The following HTR3B variants were observed in gnomAD, a reference collection of about 807,000 sequenced individuals.
HTR3B encodes 5-hydroxytryptamine (serotonin) receptor 3B, ionotropic.
Under a neutral mutation model 42.8 loss-of-function variants are expected in HTR3B, and 44 were observed. The observed-to-expected ratio is 1.03, with a 90% CI of 0.81 to 1.32. The LOEUF (loss-of-function observed/expected upper bound fraction) is 1.32. Ranked by LOEUF, HTR3B falls within the 40% of genes most tolerant of loss-of-function variation. HTR3B has a pLI of 0.00. For missense variants in HTR3B, 527 were observed against 536.5 expected, an observed-to-expected ratio of 0.98 and a Z score of 0.17; for synonymous variants, 203 against 209.0, an observed-to-expected ratio of 0.97 and a Z score of 0.25.
chr11:113,907,040 T>G (rs10502180), intron 1 of HTR3B, among the ~76,000 whole-genome samples: 5,856 of 152,298 alleles, frequency 0.038, 460 homozygotes, highest in East Asian at 0.3. Context: ...CCCTGAACAC[T>G]TTAAGATAGG....
upstream of HTR3B, among the ~76,000 whole-genome samples, chr11:113,904,189 T>C (rs1430001751): frequency 6.6e-6 from 1 of 151,924 alleles, no homozygotes. Context: ...AATCAAAAAG[T>C]GAAAAAAAAA....
chr11:113,927,843 G>A (rs1019872713), intron 2 of HTR3B, among the ~76,000 whole-genome samples: 3 of 152,124 alleles, frequency 2.0e-5, no homozygotes, highest in Admixed American at 1.3e-4. Context: ...CAAGGTGTGA[G>A]CCACCGCACC....
the HTR3B span, among the ~76,000 whole-genome samples, chr11:113,899,766 CGA>C: frequency 3.3e-5 from 5 of 152,078 alleles, no homozygotes; most frequent in Admixed American, 3.3e-4. Context: ...AGACATCGGT[CGA>C]TCTAATAGGT....
At chr11:113,919,423 G>T (rs1382365738) in intron 2 of HTR3B, among the ~76,000 whole-genome samples, 1 of 152,144 alleles carries the variant, frequency 6.6e-6, no homozygotes. Context: ...TTTTAATAGG[G>T]ATGTTTTTCT....
chr11:113,942,425 C>T (rs577399553), intron 6 of HTR3B, among the ~76,000 whole-genome samples: 2 of 152,310 alleles, frequency 1.3e-5, no homozygotes, highest in East Asian at 3.9e-4. Flanking sequence ...CGCCATTGCA[C>T]TCTAGCCTGG....
intron 6 of HTR3B, among the ~76,000 whole-genome samples, chr11:113,934,926 A>G (rs1950076683): frequency 6.6e-6 from 1 of 152,136 alleles, no homozygotes; most frequent in South Asian, 2.1e-4. Context: ...TCACCTACCA[A>G]GTGCTCCTGA....
chr11:113,901,774 G>T (rs1949699101), upstream of HTR3B, among the ~76,000 whole-genome samples: 1 of 152,166 alleles, frequency 6.6e-6, no homozygotes, highest in Admixed American at 6.5e-5. Context: ...AAAGTGCAAA[G>T]AAAAGGGAGG....
At chr11:113,915,240 G>A (rs1048533356) in intron 2 of HTR3B, among the ~76,000 whole-genome samples, 3 of 152,072 alleles carry the variant, frequency 2.0e-5, no homozygotes, top group African/African-American at 4.8e-5. Flanking sequence ...GTCTCACTCT[G>A]TTACTTAGGC....
chr11:113,944,364 G>A (rs1226161192), intron 7 of HTR3B, among the ~76,000 whole-genome samples: 1 of 152,142 alleles, frequency 6.6e-6, no homozygotes, highest in East Asian at 1.9e-4. Flanking sequence ...AGCCTGGTGT[G>A]GTGGTGTGTG....
chr11:113,932,973 A>G lies in HTR3B; in HGVS notation c.576A>G (p.Glu192=). ...ACCTGGCCTTTCTGAGGAGCCCAGA[A>G]GACATTCAGCATGACAAAAAGGCGT... ...DVDLAFLRSP[E]DIQHDKKAFL... Residue 192 remains glutamate (E), a synonymous_variant, in exon 6 of 9, where the codon GAA becomes GAG. Coordinates refer to ENST00000260191, the MANE Select transcript of HTR3B (RefSeq NM_006028.5). The G allele has an allele frequency of 2.5e-6, 4 of 1,614,168 alleles. No homozygotes were observed. Among genetic ancestry groups the G allele is most frequent in the Non-Finnish European group, 3.4e-6 (4 of 1,180,004 alleles).
chr11:113,903,838 G>A (rs1344564041), upstream of HTR3B, among the ~76,000 whole-genome samples: 1 of 152,112 alleles, frequency 6.6e-6, no homozygotes, highest in African/African-American at 2.4e-5. Flanking sequence ...CTCTCTTTCT[G>A]TGTATACCAC....
chr11:113,945,788 G>T, intron 8 of HTR3B, 114 bp from the exon 9 acceptor site: 2 of 733,918 alleles, frequency 2.7e-6, no homozygotes, highest in Non-Finnish European at 4.7e-6. Flanking sequence ...ACAACCCACT[G>T]CTCAGTTTCA....
chr11:113,947,109 CT>C lies in HTR3B; in HGVS notation c.*985del, dbSNP rs538527578. Among the ~76,000 whole-genome samples the C allele has an allele frequency of 2.5e-3, 360 of 145,068 alleles. 1 individual carries two copies. The highest frequency in any genetic ancestry group is 0.015 in the South Asian group (69 of 4,592). On this transcript the variant is annotated 3_prime_UTR_variant, in exon 9 of 9. Transcript: ENST00000260191. ...GGAGAGAACCCAGGTGCCAAGGCTTCTTTTTTTTTTTTTGAGGCAGAGTCTT... is the reference window on the plus strand; with the variant it reads ...GGAGAGAACCCAGGTGCCAAGGCTTCTTTTTTTTTTTTGAGGCAGAGTCTT...
rs534191627 is a variant in HTR3B at position 113,932,661 on chromosome 11, A to G, written c.538+203A>G. Among the ~76,000 whole-genome samples, 107 of 152,064 alleles carry G rather than the reference A, an allele frequency of 7.0e-4. 1 individual carries two copies. The highest frequency in any genetic ancestry group is 1.0e-3 in the Non-Finnish European group (71 of 68,018). ...CCATAGTTGTTTTGGAAACAGTGTT[A>G]GGCCTCTACTGCCATGGATAATATT... On this transcript the variant is annotated intron_variant, in intron 5 of 8. Transcript: ENST00000260191.
At chr11:113,937,034 AC>A (rs1950097290) in intron 6 of HTR3B, among the ~76,000 whole-genome samples, 1 of 152,198 alleles carries the variant, frequency 6.6e-6, no homozygotes, top group Admixed American at 6.5e-5. Flanking sequence ...TATTGCTAAC[AC>A]CTGAAGGGTG....
At position 113,919,228 on chromosome 11, in the gene HTR3B, A is replaced by G. The variant is rs186997847; in HGVS notation, c.213+9773A>G. On this transcript the variant is annotated intron_variant, in intron 2 of 8. Transcript: ENST00000260191. ...AACTTATTACAGTGTACTTAGAATT[A>G]ATATTTTGACACTTCACATAAAATG... Among the ~76,000 whole-genome samples the G allele has an allele frequency of 1.7e-3, 254 of 152,272 alleles. 1 individual carries two copies. The highest frequency in any genetic ancestry group is 2.9e-3 in the Non-Finnish European group (199 of 68,010).
rs766597002 is a variant in HTR3B, at chr11:113,932,408, C to T, written c.488C>T (p.Pro163Leu). 1 of 1,614,086 alleles carries T rather than the reference C, an allele frequency of 6.2e-7. No homozygotes were observed. The change falls in exon 5 of 9, where the codon CCA (proline) becomes CTA (leucine). Residue 163 changes from proline (P) to leucine (L), a missense_variant. Physicochemically the swap from Pro to Leu is moderately conservative, Grantham distance 98. Coordinates refer to ENST00000260191, the MANE Select transcript of HTR3B (RefSeq NM_006028.5). ...SACSLETYAF[P>L]FDVQNCSLTF... ...TGCAGTTTAGAGACATATGCTTTTCCATTTGATGTCCAGAATTGCAGCCTG... is the reference window on the plus strand; with the variant it reads ...TGCAGTTTAGAGACATATGCTTTTCTATTTGATGTCCAGAATTGCAGCCTG...
intron 2 of HTR3B, among the ~76,000 whole-genome samples, chr11:113,928,660 C>T (rs144887710): frequency 6.6e-6 from 1 of 152,130 alleles, no homozygotes; most frequent in Non-Finnish European, 1.5e-5. Flanking sequence ...CCTCAGCCTC[C>T]CTCGTAGCTG....
At chr11:113,904,564 G>T, upstream of HTR3B, 1 of 187,212 alleles carries the variant, frequency 5.3e-6, no homozygotes, top group Non-Finnish European at 1.1e-5. Context: ...ACTGCCTTAG[G>T]TAAAGGCTGT....
Sources: allele counts gnomAD v4.1 joint callset (sites outside exome capture counted in the v4.1 genomes callset), GRCh38; gene constraint gnomAD v4.1.1; transcripts MANE v1.5; gene names NCBI Gene and HGNC (gene_info 2026-07-23, HGNC 2026-07-21).